Variants in MEI4 observed in about 807,000 individuals in gnomAD.
MEI4 encodes meiosis-specific protein MEI4.
MEI4 carries 27 observed loss-of-function variants against 31.4 expected under a neutral mutation model. The ratio of observed to expected loss-of-function variants is 0.86; its 90% confidence interval spans 0.63 to 1.19. The LOEUF (loss-of-function observed/expected upper bound fraction) is 1.19. Ranked by LOEUF, MEI4 falls within the 50% of genes most tolerant of loss-of-function variation. The pLI, the probability that MEI4 is intolerant of heterozygous loss-of-function variation, is 0.00. For synonymous variants in MEI4, 122 were observed against 145.4 expected (o/e 0.84, Z 1.16); for missense variants, 329 against 398.9 (o/e 0.82, Z 1.49).
chr6:77,652,560 GA>G (rs1486775349), upstream of MEI4, among the ~76,000 whole-genome samples: 1 of 152,186 alleles, frequency 6.6e-6, no homozygotes, highest in African/African-American at 2.4e-5. Context: ...AGGATTGATG[GA>G]AAAGGTACAA....
intron 4 of MEI4, among the ~76,000 whole-genome samples, chr6:77,869,490 T>C (rs972383922): frequency 2.6e-5 from 4 of 152,036 alleles, no homozygotes; most frequent in Admixed American, 1.3e-4. Flanking sequence ...TAAGGGTGCA[T>C]GTACAGAGAG....
At chr6:77,745,431 A>G (rs1024959618) in intron 2 of MEI4, among the ~76,000 whole-genome samples, 3 of 152,238 alleles carry the variant, frequency 2.0e-5, no homozygotes, top group Admixed American at 1.3e-4. Context: ...TATCCTAAAT[A>G]TATATGCACC....
intron 4 of MEI4, among the ~76,000 whole-genome samples, chr6:77,913,711 G>A (rs1287278464): frequency 6.7e-6 from 1 of 150,372 alleles, no homozygotes; most frequent in East Asian, 2.0e-4. Flanking sequence ...ACAGATTATC[G>A]ATTTTGTTTA....
chr6:77,685,611 A>T (rs1366810585), intron 1 of MEI4, among the ~76,000 whole-genome samples: 1 of 151,918 alleles, frequency 6.6e-6, no homozygotes, highest in Non-Finnish European at 1.5e-5. Context: ...TATTCAAAGT[A>T]TCTTTGTCAA....
intron 4 of MEI4, among the ~76,000 whole-genome samples, chr6:77,902,878 A>G (rs4529258): frequency 0.14 from 21,329 of 152,012 alleles, 1,774 homozygotes; most frequent in East Asian, 0.39. Flanking sequence ...TATAAAACCA[A>G]ACTGTGTTCT....
At chr6:77,660,257 G>A (rs1409650770) in intron 1 of MEI4, among the ~76,000 whole-genome samples, 1 of 152,138 alleles carries the variant, frequency 6.6e-6, no homozygotes, top group East Asian at 1.9e-4. Flanking sequence ...GGTAGCTGGG[G>A]AGCGGTAGAG....
chr6:77,887,932 A>G (rs1295965638), intron 4 of MEI4, among the ~76,000 whole-genome samples: 1 of 152,176 alleles, frequency 6.6e-6, no homozygotes, highest in Non-Finnish European at 1.5e-5. Context: ...ATTGCTTTAT[A>G]TATCTGGATG....
chr6:77,749,161 G>A (rs1434752230), intron 2 of MEI4, among the ~76,000 whole-genome samples: 1 of 152,158 alleles, frequency 6.6e-6, no homozygotes, highest in Admixed American at 6.5e-5. Context: ...TAAAGATGGG[G>A]AGAAACCAGT....
At chr6:77,696,172 A>G (rs1031403037) in intron 2 of MEI4, among the ~76,000 whole-genome samples, 3 of 152,074 alleles carry the variant, frequency 2.0e-5, no homozygotes, top group African/African-American at 7.2e-5. Flanking sequence ...GGACTGAGAC[A>G]ATGGGGTTTT....
chr6:77,741,466 C>G (rs2127672816), intron 2 of MEI4, among the ~76,000 whole-genome samples: 1 of 152,036 alleles, frequency 6.6e-6, no homozygotes, highest in South Asian at 2.1e-4. Flanking sequence ...GTAATCAGTT[C>G]AAGAGATCAT....
intron 3 of MEI4, among the ~76,000 whole-genome samples, chr6:77,789,166 A>G (rs1768840681): frequency 6.6e-6 from 1 of 152,200 alleles, no homozygotes; most frequent in Non-Finnish European, 1.5e-5. Context: ...AGGATTCCCT[A>G]TTTAATAAAT....
rs1412570771 is a variant in MEI4 at position 77,720,568 on chromosome 6, CACAG to C, written c.232+29668_232+29671del. 2.1e-5 allele frequency among the ~76,000 whole-genome samples: 3 copies of C among 141,876 alleles called. 1 individual carries two copies. Among genetic ancestry groups the C allele is most frequent in the Non-Finnish European group, 4.6e-5 (3 of 64,952 alleles). 93.1% of individuals were successfully genotyped at this position (141,876 alleles called of 152,430 possible). On this transcript the variant is annotated intron_variant, in intron 2 of 4. Coordinates refer to ENST00000684080, the MANE Select transcript of MEI4 (RefSeq NM_001322247.2). ...CTTCCAAATGAAGGTACATGCGTGA[CACAG>C]ACCTCTGGGATTAACTCCTGCCTCT...
rs552091800 is a variant in MEI4 at position 77,790,039 on chromosome 6, A to C, written c.768+28374A>C. Among the ~76,000 whole-genome samples the C allele has an allele frequency of 8.5e-5, 13 of 152,180 alleles. No homozygotes were observed. In the East Asian group the frequency reaches 2.5e-3, roughly 29 times the overall value. ...AACAATGATAGACTGGATTAAGAAA[A>C]TGTGGCACATATACACCATGGAATA... On this transcript the variant is annotated intron_variant, in intron 3 of 4. Transcript: ENST00000684080.
intron 1 of MEI4, among the ~76,000 whole-genome samples, chr6:77,684,685 ATTG>A (rs946940205): frequency 1.6e-4 from 10 of 61,306 alleles, no homozygotes; most frequent in Admixed American, 3.6e-4. Flanking sequence ...ACTGTATCTC[ATTG>A]TTGTTTGTGG....
At chr6:77,786,804 CA>C (rs35531580) in intron 3 of MEI4, among the ~76,000 whole-genome samples, 5 of 151,350 alleles carry the variant, frequency 3.3e-5, no homozygotes, top group African/African-American at 9.7e-5. Context: ...ACAATAGCAA[CA>C]AAAAATGTAT....
chr6:77,915,943 T>G (rs1236704631), intron 4 of MEI4, among the ~76,000 whole-genome samples: 1 of 152,060 alleles, frequency 6.6e-6, no homozygotes, highest in Non-Finnish European at 1.5e-5. Flanking sequence ...ATATTCTTTA[T>G]TCATTCTTTT....
chr6:77,669,641 A>T (rs961486458), intron 1 of MEI4, among the ~76,000 whole-genome samples: 1 of 152,240 alleles, frequency 6.6e-6, no homozygotes. Flanking sequence ...CATGTTTTAC[A>T]TATTATATAT....
chr6:77,790,168 C>T lies in MEI4; in HGVS notation c.768+28503C>T, dbSNP rs1297930118. ...AGTATCACAAGTACAAAAGCAAACACCGCATGTTCTCACTCACAGGTGGGA... is the reference window on the plus strand; with the variant it reads ...AGTATCACAAGTACAAAAGCAAACATCGCATGTTCTCACTCACAGGTGGGA... On this transcript the variant is annotated intron_variant, in intron 3 of 4. Transcript: ENST00000684080. Among the ~76,000 whole-genome samples, 12 of 149,534 alleles carry T rather than the reference C, an allele frequency of 8.0e-5. No homozygotes were observed. In the Middle Eastern group the frequency reaches 0.01, roughly 129 times the overall value.
chr6:77,653,696 A>C (rs559171063), intron 1 of MEI4, among the ~76,000 whole-genome samples: 1 of 152,320 alleles, frequency 6.6e-6, no homozygotes, highest in Non-Finnish European at 1.5e-5. Context: ...CTATCAAAAG[A>C]TAGATGTAAG....
Sources: gnomAD v4.1 joint callset for allele counts (sites outside exome capture counted in the v4.1 genomes callset) on GRCh38, gnomAD v4.1.1 for gene constraint, MANE v1.5 for transcripts, NCBI Gene and HGNC (gene_info 2026-07-23, HGNC 2026-07-21) for gene names.